The following FAM168B variants were observed in gnomAD, a reference collection of about 807,000 sequenced individuals.
The protein encoded by FAM168B is family with sequence similarity 168 member B, also known as myelin-associated neurite-outgrowth inhibitor.
FAM168B carries 19 observed loss-of-function variants against 21.8 expected under a neutral mutation model. The observed-to-expected ratio is 0.87, with a 90% CI of 0.61 to 1.28. FAM168B has a LOEUF of 1.28. FAM168B is among the 50% of genes most tolerant of loss of function. The pLI is 0.00. For missense variants in FAM168B, 233 were observed against 263.1 expected (o/e 0.89, Z 0.79); for synonymous variants, 126 against 104.8 (o/e 1.20, Z -1.24).
intron 3 of FAM168B, among the ~76,000 whole-genome samples, chr2:131,063,034 T>C (rs1692383302): frequency 6.6e-6 from 1 of 152,218 alleles, no homozygotes; most frequent in Non-Finnish European, 1.5e-5. Context: ...GATGGAGTAA[T>C]GTGTATGTGA....
At chr2:131,090,620 C>T (rs577659912) in intron 1 of FAM168B, among the ~76,000 whole-genome samples, 16 of 152,180 alleles carry the variant, frequency 1.1e-4, no homozygotes, top group African/African-American at 3.9e-4. Flanking sequence ...AACACCAGTG[C>T]TTTGGGAGGC....
At chr2:131,089,733 A>G (rs186439648) in intron 1 of FAM168B, among the ~76,000 whole-genome samples, 2,600 of 139,640 alleles carry the variant, frequency 0.019, 33 homozygotes, top group Non-Finnish European at 0.029. Context: ...AAAAAAAAAG[A>G]AAGAAAAAAG....
chr2:131,055,909 G>A (rs1691999518), intron 3 of FAM168B, among the ~76,000 whole-genome samples: 1 of 152,200 alleles, frequency 6.6e-6, no homozygotes, highest in Non-Finnish European at 1.5e-5. Flanking sequence ...AGGGTGTTGG[G>A]GAGGAGGAAA....
At chr2:131,053,159 TGATTAGATAATCCCCCACACCCAA>T (rs1223586776) in intron 5 of FAM168B, 144 bp from the exon 6 acceptor site, 1 of 1,233,360 alleles carries the variant, frequency 8.1e-7, no homozygotes, top group Admixed American at 3.7e-5. Context: ...GTCAGAACTC[TGATTAGATAATCCCCCACACCCAA>T]AAGTTGTCTC....
intron 3 of FAM168B, among the ~76,000 whole-genome samples, chr2:131,070,471 T>C (rs1028188308): frequency 2.0e-5 from 3 of 152,194 alleles, no homozygotes; most frequent in Non-Finnish European, 4.4e-5. Flanking sequence ...GTACCACCAC[T>C]TTGGAAGACA....
intron 1 of FAM168B, among the ~76,000 whole-genome samples, chr2:131,086,675 A>G (rs1693715459): frequency 6.6e-6 from 1 of 152,210 alleles, no homozygotes; most frequent in Non-Finnish European, 1.5e-5. Flanking sequence ...CAACAGTCCT[A>G]TGTAGGTGAC....
intron 2 of FAM168B, among the ~76,000 whole-genome samples, chr2:131,076,512 GTGCAGT>G (rs1693160615): frequency 6.6e-6 from 1 of 151,976 alleles, no homozygotes; most frequent in African/African-American, 2.4e-5. Flanking sequence ...AATTAGCCGG[GTGCAGT>G]GGCGGGCTCC....
At chr2:131,088,251 A>G (rs79216649) in intron 1 of FAM168B, among the ~76,000 whole-genome samples, 6 of 85,986 alleles carry the variant, frequency 7.0e-5, no homozygotes, top group South Asian at 3.7e-4. Flanking sequence ...GTCTGGGGGG[A>G]AAAAAAAATC....
chr2:131,072,202 C>A (rs1692908432), intron 2 of FAM168B, among the ~76,000 whole-genome samples: 1 of 152,190 alleles, frequency 6.6e-6, no homozygotes, highest in African/African-American at 2.4e-5. Flanking sequence ...TGGCTCACTG[C>A]AACCTCTGCC....
At chr2:131,059,919 G>C (rs576467980) in intron 3 of FAM168B, among the ~76,000 whole-genome samples, 1 of 152,316 alleles carries the variant, frequency 6.6e-6, no homozygotes, top group African/African-American at 2.4e-5. Flanking sequence ...CAGGGGCCCA[G>C]ATGAAAAAGA....
At chr2:131,079,456 C>T (rs537151621) in intron 2 of FAM168B, among the ~76,000 whole-genome samples, 2 of 152,270 alleles carry the variant, frequency 1.3e-5, no homozygotes, top group East Asian at 1.9e-4. Context: ...GCCTGGGTGA[C>T]AAGAGTGAGA....
chr2:131,078,828 A>T (rs1278441424), intron 2 of FAM168B, among the ~76,000 whole-genome samples: 1 of 151,982 alleles, frequency 6.6e-6, no homozygotes, highest in Non-Finnish European at 1.5e-5. Flanking sequence ...AAAAATTAAA[A>T]TTAAAAAATT....
chr2:131,070,333 C>T (rs1001052882), intron 3 of FAM168B, among the ~76,000 whole-genome samples: 18 of 152,096 alleles, frequency 1.2e-4, no homozygotes, highest in African/African-American at 3.4e-4. Context: ...AAGGCAAATA[C>T]GCACATGAAA....
chr2:131,093,092 C>G (rs1163561393), intron 1 of FAM168B, 122 bp downstream of exon 1: 1 of 151,006 alleles, frequency 6.6e-6, no homozygotes, highest in Admixed American at 6.6e-5. Flanking sequence ...GCAGCCCAGG[C>G]CGGTCCAGAC....
At chr2:131,064,812 G>T (rs1387967435) in intron 3 of FAM168B, among the ~76,000 whole-genome samples, 1 of 152,180 alleles carries the variant, frequency 6.6e-6, no homozygotes, top group Non-Finnish European at 1.5e-5. Context: ...TAAGAGAGAG[G>T]AAGGGAGGGC....
chr2:131,084,633 A>C (rs1312168222), intron 1 of FAM168B, among the ~76,000 whole-genome samples: 2 of 152,176 alleles, frequency 1.3e-5, no homozygotes, highest in Non-Finnish European at 2.9e-5. Flanking sequence ...GACAAGTTCA[A>C]GAACTTGCAC....
chr2:131,089,299 T>C (rs1256798943), intron 1 of FAM168B, among the ~76,000 whole-genome samples: 1 of 150,962 alleles, frequency 6.6e-6, no homozygotes, highest in Non-Finnish European at 1.5e-5. Flanking sequence ...CCATTTGAAA[T>C]GACTCAACTG....
chr2:131,051,941 G>C lies in FAM168B; in HGVS notation c.*524C>G, dbSNP rs766335673. 1.2e-4 allele frequency: 114 copies of C among 985,328 alleles called. No homozygotes were observed. The highest frequency in any genetic ancestry group is 1.3e-4 in the Non-Finnish European group (112 of 829,952). 61.0% of individuals were successfully genotyped at this position (985,328 alleles called of 1,614,324 possible). ...ACTAAAATGTCCACATCCCTAACTG[G>C]CAACCCACATCAACCCCAAAAGGTT... On this transcript the variant is annotated 3_prime_UTR_variant, in exon 7 of 7. Coordinates refer to ENST00000389915, the MANE Select transcript of FAM168B (RefSeq NM_001009993.4).
At chr2:131,052,788 G>A (rs776518251) in intron 6 of FAM168B, 103 bp downstream of exon 6, 26 of 1,473,116 alleles carry the variant, frequency 1.8e-5, no homozygotes, top group Non-Finnish European at 2.4e-5. Context: ...TCCAGGGTCA[G>A]GCACACTTTC....
Sources: gnomAD v4.1 joint callset for allele counts (sites outside exome capture counted in the v4.1 genomes callset) on GRCh38, gnomAD v4.1.1 for gene constraint, MANE v1.5 for transcripts, NCBI Gene and HGNC (gene_info 2026-07-23, HGNC 2026-07-21) for gene names.